The following DCC variants were observed in gnomAD, a reference collection of about 807,000 sequenced individuals.
DCC encodes the protein DCC netrin 1 receptor, also known as netrin receptor DCC.
A neutral mutation model predicts 172.5 loss-of-function variants in DCC; 58 were observed. That is an observed-to-expected ratio of 0.34 (90% CI 0.27 to 0.42). The LOEUF (loss-of-function observed/expected upper bound fraction) is 0.42, where lower values mean the gene tolerates loss of function less well. Ranked by LOEUF, DCC falls within the 10% of genes least tolerant of loss-of-function variation. The probability of loss-of-function intolerance (pLI) is 1.00; values close to 1 mark genes in which losing one functional copy is unlikely to be tolerated. For synonymous variants in DCC, 709 were observed against 644.5 expected, an observed-to-expected ratio of 1.10 and a Z score of -1.52; for missense variants, 1,740 against 1,791.0, an observed-to-expected ratio of 0.97 and a Z score of 0.51.
intron 1 of DCC, among the ~76,000 whole-genome samples, chr18:52,587,988 G>A (rs1394255856): frequency 6.6e-6 from 1 of 152,166 alleles, no homozygotes; most frequent in Non-Finnish European, 1.5e-5. Context: ...ATCCATTTGT[G>A]ATGGAATGCT....
intron 5 of DCC, among the ~76,000 whole-genome samples, chr18:53,040,466 C>G (rs2042154523): frequency 6.6e-6 from 1 of 151,906 alleles, no homozygotes; most frequent in South Asian, 2.1e-4. Context: ...CATCTCAAAC[C>G]TGTCACTGAA....
At chr18:52,720,089 G>T (rs530413290) in intron 1 of DCC, among the ~76,000 whole-genome samples, 2 of 151,992 alleles carry the variant, frequency 1.3e-5, no homozygotes, top group African/African-American at 4.8e-5. Flanking sequence ...ATACGGTGGC[G>T]CAGGCAGCTG....
intron 5 of DCC, among the ~76,000 whole-genome samples, chr18:53,017,371 T>C (rs1363634978): frequency 2.0e-5 from 3 of 152,226 alleles, no homozygotes; most frequent in Admixed American, 6.5e-5. Context: ...TAAAGGAACA[T>C]ATAATTTAAG....
chr18:53,176,565 A>G (rs2055098358), intron 8 of DCC, among the ~76,000 whole-genome samples: 1 of 152,076 alleles, frequency 6.6e-6, no homozygotes, highest in Non-Finnish European at 1.5e-5. Context: ...GCAGCCAAAA[A>G]ACACATGAAA....
At chr18:53,207,631 A>G (rs775672176) in intron 10 of DCC, 48 bp from the exon 11 acceptor site, 2 of 1,565,384 alleles carry the variant, frequency 1.3e-6, no homozygotes, top group East Asian at 4.5e-5. Context: ...TGCCATTTCT[A>G]CTTTAATGTG....
At chr18:53,275,270 G>A (rs2056792135) in intron 12 of DCC, among the ~76,000 whole-genome samples, 1 of 152,028 alleles carries the variant, frequency 6.6e-6, no homozygotes, top group South Asian at 2.1e-4. Flanking sequence ...GGCTATTACT[G>A]CTTTGCAAGT....
intron 12 of DCC, among the ~76,000 whole-genome samples, chr18:53,300,582 T>C (rs187904002): frequency 5.9e-4 from 90 of 152,242 alleles, no homozygotes; most frequent in African/African-American, 1.7e-3. Context: ...AAGGTATCAT[T>C]AAATAGAAAC....
At chr18:53,490,179 T>C (rs1270666783) in intron 26 of DCC, among the ~76,000 whole-genome samples, 2 of 152,036 alleles carry the variant, frequency 1.3e-5, no homozygotes. Flanking sequence ...CTAGATAAAA[T>C]GAGGAGTGCA....
chr18:52,905,570 A>T (rs2039869562), intron 2 of DCC, among the ~76,000 whole-genome samples: 1 of 152,178 alleles, frequency 6.6e-6, no homozygotes, highest in Non-Finnish European at 1.5e-5. Flanking sequence ...GCTCTAGGTC[A>T]TGCCGTATGA....
chr18:53,233,384 G>A (rs999173762), intron 12 of DCC, among the ~76,000 whole-genome samples: 1 of 152,148 alleles, frequency 6.6e-6, no homozygotes, highest in Non-Finnish European at 1.5e-5. Context: ...TGCAGGGATA[G>A]ATCTAGCTCA....
intron 1 of DCC, among the ~76,000 whole-genome samples, chr18:52,725,826 C>T (rs144134394): frequency 2.0e-5 from 3 of 152,290 alleles, no homozygotes; most frequent in African/African-American, 7.2e-5. Context: ...TAGATCAGTT[C>T]ACACTTGAGT....
chr18:52,796,780 T>C (rs1598811762), intron 2 of DCC, among the ~76,000 whole-genome samples: 1 of 152,194 alleles, frequency 6.6e-6, no homozygotes, highest in African/African-American at 2.4e-5. Flanking sequence ...TTGACAATAA[T>C]GTGGCTTGGA....
intron 1 of DCC, among the ~76,000 whole-genome samples, chr18:52,709,094 C>T (rs1328663255): frequency 3.9e-5 from 6 of 152,166 alleles, no homozygotes; most frequent in Non-Finnish European, 8.8e-5. Flanking sequence ...AGGTACTTTG[C>T]TGTTGTGAAA....
At chr18:53,232,765 C>T (rs1461012492) in intron 12 of DCC, among the ~76,000 whole-genome samples, 1 of 152,094 alleles carries the variant, frequency 6.6e-6, no homozygotes, top group Non-Finnish European at 1.5e-5. Context: ...CATACCCAGG[C>T]CATATTTTAA....
chr18:52,627,925 C>T (rs868658595), intron 1 of DCC, among the ~76,000 whole-genome samples: 5 of 152,140 alleles, frequency 3.3e-5, no homozygotes, highest in African/African-American at 1.2e-4. Context: ...ATTTTGGTGG[C>T]CTTCCTGGTG....
chr18:52,584,408 A>AAG (rs368208850), intron 1 of DCC, among the ~76,000 whole-genome samples: 6 of 151,488 alleles, frequency 4.0e-5, no homozygotes, highest in East Asian at 3.9e-4. Context: ...GAGAAAGAGA[A>AAG]AGAGAGAGAG....
chr18:53,319,220 C>T (rs2057378881), intron 13 of DCC, among the ~76,000 whole-genome samples: 1 of 152,078 alleles, frequency 6.6e-6, no homozygotes, highest in Non-Finnish European at 1.5e-5. Context: ...GGCAAAATAA[C>T]CAGCTAGCAT....
chr18:53,276,983 C>A (rs368899233), intron 12 of DCC, among the ~76,000 whole-genome samples: 17 of 151,918 alleles, frequency 1.1e-4, no homozygotes, highest in African/African-American at 4.1e-4. Flanking sequence ...ACAAAACCAA[C>A]AAAATCAGTA....
chr18:53,404,635 G>A (rs1263665517), intron 19 of DCC, among the ~76,000 whole-genome samples: 1 of 152,018 alleles, frequency 6.6e-6, no homozygotes, highest in African/African-American at 2.4e-5. Flanking sequence ...GGAGGCTGAG[G>A]CAGGAGAATA....
Sources: allele counts gnomAD v4.1 joint callset (sites outside exome capture counted in the v4.1 genomes callset), GRCh38; gene constraint gnomAD v4.1.1; transcripts MANE v1.5; gene names NCBI Gene and HGNC (gene_info 2026-07-23, HGNC 2026-07-21).